Variants in LIPN observed in about 807,000 individuals in gnomAD.
LIPN encodes lipase member N.
Under a neutral mutation model 43.7 loss-of-function variants are expected in LIPN, and 32 were observed. That is an observed-to-expected ratio of 0.73 (90% CI 0.55 to 0.98). The LOEUF (loss-of-function observed/expected upper bound fraction) is 0.98. Among genes scored for constraint, LIPN ranks in the 50% least tolerant of loss-of-function variants. The pLI, the probability that LIPN is intolerant of heterozygous loss-of-function variation, is 0.00. For synonymous variants in LIPN, 156 were observed against 157.6 expected (o/e 0.99, Z 0.08); for missense variants, 505 against 483.8 (o/e 1.04, Z -0.41).
At chr10:88,771,956 G>A (rs1473179434) in intron 7 of LIPN, among the ~76,000 whole-genome samples, 1 of 151,704 alleles carries the variant, frequency 6.6e-6, no homozygotes, top group Non-Finnish European at 1.5e-5. Flanking sequence ...ATTTTAACTG[G>A]AGTGAGATAG....
At chr10:88,772,607 G>A (rs955375272) in intron 7 of LIPN, among the ~76,000 whole-genome samples, 2 of 151,766 alleles carry the variant, frequency 1.3e-5, no homozygotes, top group Admixed American at 1.3e-4. Context: ...TGTTCCATTG[G>A]TCTATGTGTC....
Position 88,778,359 on chromosome 10 carries a change from A to G in LIPN, c.*117A>G. 1 of 673,678 alleles carries G rather than the reference A, an allele frequency of 1.5e-6. No individual in the cohort carries two copies. Among genetic ancestry groups the G allele is most frequent in the Non-Finnish European group, 2.5e-6 (1 of 396,850 alleles). 41.7% of individuals were successfully genotyped at this position (673,678 alleles called of 1,614,324 possible). On this transcript the variant is annotated 3_prime_UTR_variant, in exon 10 of 10. Transcript: ENST00000404459. ...GCACCCTGGGGGAGATGCACAGTGG[A>G]GTCTGTTTTCCAAGTCAATTGTGTT...
chr10:88,771,722 G>A (rs887017607), intron 7 of LIPN, among the ~76,000 whole-genome samples: 1 of 150,538 alleles, frequency 6.6e-6, no homozygotes, highest in African/African-American at 2.4e-5. Flanking sequence ...GGGTGCAGAT[G>A]TCTCTTCCAT....
Position 88,774,554 on chromosome 10 carries a change from T to C in LIPN, c.891+10T>C. ...TCTGCATATAAAACAGGTAGAGTCT[T>C]AGTCATGGAAAACCATTCCAATCCT... On this transcript the variant is annotated intron_variant, in intron 8 of 9. Transcript: ENST00000404459. 1.2e-6 allele frequency: 2 copies of C among 1,604,236 alleles called. No individual in the cohort carries two copies. Among genetic ancestry groups the C allele is most frequent in the South Asian group, 2.2e-5 (2 of 90,838 alleles).
chr10:88,773,523 C>T (rs1843244971), intron 7 of LIPN, among the ~76,000 whole-genome samples: 1 of 151,722 alleles, frequency 6.6e-6, no homozygotes, highest in Non-Finnish European at 1.5e-5. Context: ...GAGATGGGAT[C>T]CCCTCTTTAT....
Position 88,778,256 on chromosome 10 carries a change from A to G in LIPN, c.*14A>G, listed in dbSNP as rs1843330025. The G allele has an allele frequency of 6.4e-7, 1 of 1,573,564 alleles. No homozygotes were observed. The highest frequency in any genetic ancestry group is 1.3e-5 in the African/African-American group (1 of 74,086). ...GCATATTCCTAAATGCAATGCATTT[A>G]CTTTTCAATTAAAAGTTGCTTCCAA... On this transcript the variant is annotated 3_prime_UTR_variant, in exon 10 of 10. Coordinates refer to ENST00000404459, the MANE Select transcript of LIPN (RefSeq NM_001102469.2).
In LIPN at chr10:88,778,289, A is replaced by G; in HGVS notation, c.*47A>G. ...ATTAAAAGTTGCTTCCAAGCCCATA[A>G]GGGACTTTAGAAAAAATAGTAACCA... On this transcript the variant is annotated 3_prime_UTR_variant, in exon 10 of 10. Transcript: ENST00000404459. 7.1e-7 allele frequency: 1 copy of G among 1,416,444 alleles called. No individual in the cohort carries two copies. Among genetic ancestry groups the G allele is most frequent in the Non-Finnish European group, 9.7e-7 (1 of 1,028,776 alleles). The allele number at this position is 1,416,444 out of a possible 1,614,324, so 87.7% of individuals were successfully genotyped here.
chr10:88,768,679 C>T, intron 5 of LIPN, 113 bp from the exon 6 acceptor site: 3 of 745,614 alleles, frequency 4.0e-6, no homozygotes, highest in Non-Finnish European at 4.3e-6. Context: ...TCCAATTCAT[C>T]CCCAGTATGA....
chr10:88,777,645 C>T (rs1590185093), intron 9 of LIPN, among the ~76,000 whole-genome samples: 1 of 152,024 alleles, frequency 6.6e-6, no homozygotes, highest in African/African-American at 2.4e-5. Flanking sequence ...CTGATCATAG[C>T]CTACAAACTC....
intron 3 of LIPN, among the ~76,000 whole-genome samples, chr10:88,763,840 T>C (rs917759505): frequency 6.6e-6 from 1 of 151,984 alleles, no homozygotes; most frequent in Admixed American, 6.6e-5. Flanking sequence ...AGAAATTTGG[T>C]GAGGAACTAA....
At chr10:88,776,809 T>A (rs1235949570) in intron 9 of LIPN, among the ~76,000 whole-genome samples, 6 of 152,038 alleles carry the variant, frequency 3.9e-5, no homozygotes, top group Non-Finnish European at 8.8e-5. Context: ...AATGTCTCTA[T>A]CTTCTTGATT....
chr10:88,777,471 C>T (rs36005034), intron 9 of LIPN, among the ~76,000 whole-genome samples: 6,664 of 151,866 alleles, frequency 0.044, 215 homozygotes, highest in Non-Finnish European at 0.058. Flanking sequence ...TATGGTAGTC[C>T]GAAGACAGAC....
chr10:88,764,518 A>G lies in LIPN; in HGVS notation c.335A>G (p.Tyr112Cys). 6.2e-7 allele frequency: 1 copy of G among 1,612,342 alleles called. No individual in the cohort carries two copies. The highest frequency in any genetic ancestry group is 8.5e-7 in the Non-Finnish European group (1 of 1,178,964). The change falls in exon 4 of 10, where the codon TAT becomes TGT. Residue 112 changes from tyrosine to cysteine, a missense_variant. By Grantham distance (194) the Tyr-to-Cys change is radical. Coordinates refer to ENST00000404459, the MANE Select transcript of LIPN (RefSeq NM_001102469.2). ...GGATTCCTTCTAGCAGATGCAGGTT[A>G]TGATGTATGGATGGGAAACAGTCGG... ...SLGFLLADAG[Y>C]DVWMGNSRGN...
intron 7 of LIPN, among the ~76,000 whole-genome samples, chr10:88,773,771 T>C (rs1273957901): frequency 6.6e-6 from 1 of 151,972 alleles, no homozygotes. Context: ...GGAACCATTG[T>C]TCAAAGTTGG....
chr10:88,772,260 T>A (rs893955273), intron 7 of LIPN, among the ~76,000 whole-genome samples: 2 of 151,930 alleles, frequency 1.3e-5, no homozygotes, highest in African/African-American at 4.8e-5. Context: ...CTTTTTAGCT[T>A]GACGTAATCT....
upstream of LIPN, among the ~76,000 whole-genome samples, chr10:88,759,851 G>T (rs1244208100): frequency 6.6e-6 from 1 of 152,074 alleles, no homozygotes; most frequent in African/African-American, 2.4e-5. Flanking sequence ...CGTCAAACTG[G>T]TTATTTTGCA....
chr10:88,770,165 C>G (rs1454934209), intron 6 of LIPN, among the ~76,000 whole-genome samples: 1 of 151,798 alleles, frequency 6.6e-6, no homozygotes, highest in Non-Finnish European at 1.5e-5. Context: ...AAGACCCCAC[C>G]AGGAATCCCC....
chr10:88,772,195 C>A, intron 7 of LIPN, among the ~76,000 whole-genome samples: 1 of 151,642 alleles, frequency 6.6e-6, no homozygotes, highest in Non-Finnish European at 1.5e-5. Flanking sequence ...TATTTTCTCT[C>A]ATTCAACAGG....
chr10:88,768,678 T>A (rs967652804), intron 5 of LIPN, 114 bp from the exon 6 acceptor site: 32 of 740,950 alleles, frequency 4.3e-5, no homozygotes, highest in African/African-American at 3.4e-4. Flanking sequence ...TTCCAATTCA[T>A]CCCCAGTATG....
Sources: allele counts gnomAD v4.1 joint callset (sites outside exome capture counted in the v4.1 genomes callset), GRCh38; gene constraint gnomAD v4.1.1; transcripts MANE v1.5; gene names NCBI Gene and HGNC (gene_info 2026-07-23, HGNC 2026-07-21).